The following PRRC2A variants were observed in gnomAD, a reference collection of about 807,000 sequenced individuals.
PRRC2A encodes proline rich coiled-coil 2A.
Under a neutral mutation model 224.6 loss-of-function variants are expected in PRRC2A, and 59 were observed. The observed-to-expected ratio is 0.26, with a 90% CI of 0.21 to 0.33. PRRC2A has a LOEUF of 0.33. PRRC2A is among the 10% of genes least tolerant of loss of function. PRRC2A has a pLI of 1.00. For synonymous variants in PRRC2A, 1,194 were observed against 1,109.5 expected (o/e 1.08, Z -1.51); for missense variants, 3,095 against 2,880.7 (o/e 1.07, Z -1.70).
chr6:31,621,008 G>C (rs1775207795), intron 1 of PRRC2A, 150 bp downstream of exon 1: 2 of 154,078 alleles, frequency 1.3e-5, no homozygotes, highest in South Asian at 1.7e-4. Flanking sequence ...TGCCGGGCCT[G>C]CTTGCCCCTC....
rs1777338402 is a variant in PRRC2A, at chr6:31,636,311, T to C, written c.5727T>C (p.Ala1909=). The change falls in exon 26 of 31, where the codon GCT becomes GCC. Residue 1909 remains alanine, a synonymous_variant. Coordinates refer to ENST00000376033, the MANE Select transcript of PRRC2A (RefSeq NM_004638.4). This position sits in a 1 kb window ranked among gnomAD's most constrained non-coding sequence, Gnocchi z 4.3. ...TTCTGGATTTCTCCACAATGCAAGC[T>C]ACAGAGCTGGGGAAGTTGCCGGCTG... ...GQFLDFSTMQ[A]TELGKLPAGG... 3 of 1,613,034 alleles carry C rather than the reference T, an allele frequency of 1.9e-6. No homozygotes were observed. Among genetic ancestry groups the C allele is most frequent in the East Asian group, 4.5e-5 (2 of 44,878 alleles).
In PRRC2A at chr6:31,635,481, A is replaced by G. The variant is rs913320769; in HGVS notation, c.5373+16A>G. On this transcript the variant is annotated intron_variant, in intron 23 of 30. Coordinates refer to ENST00000376033, the MANE Select transcript of PRRC2A (RefSeq NM_004638.4). ...AGTCACTGAGGTAAGTGGGAGTAAG[A>G]GTTTGGTGGAAAGGCCCAAGATTTC... The G allele has an allele frequency of 1.2e-6, 2 of 1,613,710 alleles. No homozygotes were observed. Among genetic ancestry groups the G allele is most frequent in the Middle Eastern group, 1.6e-4 (1 of 6,062 alleles).
intron 13 of PRRC2A, 74 bp downstream of exon 13, chr6:31,629,408 A>C (rs1380930053): frequency 6.6e-7 from 1 of 1,504,470 alleles, no homozygotes; most frequent in African/African-American, 1.4e-5. Flanking sequence ...TTCATAAGTT[A>C]CCTTCTGGGT....
At chr6:31,623,244 A>T (rs753336445) in intron 2 of PRRC2A, 4 of 534,634 alleles carry the variant, frequency 7.5e-6, no homozygotes, top group Admixed American at 2.5e-5. Flanking sequence ...AGCCTTCTTG[A>T]TAGGGATTTC....
At chr6:31,621,083 C>G (rs892877535) in intron 1 of PRRC2A, among the ~76,000 whole-genome samples, 9 of 152,328 alleles carry the variant, frequency 5.9e-5, no homozygotes, top group East Asian at 1.9e-4. Context: ...CGTAGTCTGC[C>G]CCTAACCACC....
chr6:31,634,650 T>C (rs952896999), intron 20 of PRRC2A, 93 bp downstream of exon 20: 6 of 1,574,238 alleles, frequency 3.8e-6, no homozygotes, highest in Admixed American at 3.3e-5. Flanking sequence ...GGAGCTGTTC[T>C]CTCACTTGGC....
In PRRC2A at chr6:31,627,092, C is replaced by A. The variant is rs761194411; in HGVS notation, c.1184C>A (p.Thr395Asn). The A allele has an allele frequency of 6.2e-7, 1 of 1,614,134 alleles. No individual in the cohort carries two copies. The highest frequency in any genetic ancestry group is 8.5e-7 in the Non-Finnish European group (1 of 1,180,002). The change falls in exon 11 of 31, where the codon ACC becomes AAC. Residue 395 changes from threonine to asparagine, a missense_variant. Physicochemically the swap from Thr to Asn is moderately conservative, Grantham distance 65 (BLOSUM62 0). This residue lies in a region of PRRC2A where 2,001 missense variants were observed against 1,764.9 expected (regional missense o/e 1.13). Coordinates refer to ENST00000376033, the MANE Select transcript of PRRC2A (RefSeq NM_004638.4). The surrounding 1 kb of genome is among the most constrained non-coding windows in gnomAD (Gnocchi z 5.6). Reference sequence around the variant, plus strand: ...ACTCCTAAGACGGCCTGGGCAGAAACCTCTCGGCCTCCAGAGACAGAGCCG... The same window carrying A: ...ACTCCTAAGACGGCCTGGGCAGAAAACTCTCGGCCTCCAGAGACAGAGCCG... ...PPTPKTAWAE[T>N]SRPPETEPGP...
rs769959342 is a variant in PRRC2A at position 31,628,227 on chromosome 6, G to A, written c.1753G>A (p.Glu585Lys). 35 of 1,610,470 alleles carry A rather than the reference G, an allele frequency of 2.2e-5. No individual in the cohort carries two copies. The highest frequency in any genetic ancestry group is 1.8e-4 in the East Asian group (8 of 44,870). Residue 585 changes from glutamate to lysine, a missense_variant, in exon 12 of 31, where the codon GAA (glutamate) becomes AAA (lysine). Around this residue, in one of 8 missense-constraint regions of PRRC2A, gnomAD observed 2,001 missense variants for 1,764.9 expected, o/e 1.13. Transcript: ENST00000376033. Reference protein sequence around the residue: ...STSSTSSGSFEASPVEPQLPS... With the variant: ...STSSTSSGSFKASPVEPQLPS... Reference sequence around the variant, plus strand: ...CAGTAGCACCAGCAGTGGCAGCTTCGAAGCCAGCCCAGGTATGGAGATGGG... The same window carrying A: ...CAGTAGCACCAGCAGTGGCAGCTTCAAAGCCAGCCCAGGTATGGAGATGGG...
intron 9 of PRRC2A, 88 bp downstream of exon 9, chr6:31,626,250 G>A: frequency 2.1e-6 from 3 of 1,460,356 alleles, no homozygotes; most frequent in Non-Finnish European, 2.8e-6. Context: ...TGGGTGAAAG[G>A]CAGACATTGA....
chr6:31,621,294 C>A (rs1775257301), intron 1 of PRRC2A, among the ~76,000 whole-genome samples: 1 of 151,870 alleles, frequency 6.6e-6, no homozygotes, highest in Admixed American at 6.6e-5. Context: ...CGCTGTGTTC[C>A]CCCCTCTGGA....
Position 31,634,324 on chromosome 6 carries a change from C to T in PRRC2A, c.4808C>T (p.Thr1603Ile), listed in dbSNP as rs1169405295. 5 of 1,612,830 alleles carry T rather than the reference C, an allele frequency of 3.1e-6. No homozygotes were observed. Among genetic ancestry groups the T allele is most frequent in the African/African-American group, 1.3e-5 (1 of 74,900 alleles). ...GPQAESRDTG[T>I]EALTPHIWNR... The stretch of plus-strand genomic sequence containing the variant: ...CAGGCAGAGTCCAGAGATACAGGCA[C>T]AGAGGCCCTGACCCCTCACATCTGG... Residue 1603 changes from threonine to isoleucine, a missense_variant, in exon 19 of 31, where the codon ACA (threonine) becomes ATA (isoleucine). Around this residue, in one of 8 missense-constraint regions of PRRC2A, gnomAD observed 2,001 missense variants for 1,764.9 expected, o/e 1.13. Coordinates refer to ENST00000376033, the MANE Select transcript of PRRC2A (RefSeq NM_004638.4).
At chr6:31,634,639 T>C in intron 20 of PRRC2A, 82 bp downstream of exon 20, 1 of 1,580,350 alleles carries the variant, frequency 6.3e-7, no homozygotes, top group Admixed American at 1.7e-5. Flanking sequence ...GGGTTGAGTC[T>C]GGAGCTGTTC....
In PRRC2A at chr6:31,635,677, G is replaced by A. The variant is rs543901385; in HGVS notation, c.5469G>A (p.Pro1823=). 1.7e-5 allele frequency: 28 copies of A among 1,612,638 alleles called. No homozygotes were observed. Among genetic ancestry groups the A allele is most frequent in the Admixed American group, 6.7e-5 (4 of 59,988 alleles). ...ACCTGGATTCTGGGCACTGTGTCCC[G>A]GAGCCCAGCTCCTCAGGCCAGCGCC... is the stretch of plus-strand genomic sequence containing the variant. ...SKNLDSGHCV[P]EPSSSGQRLY... Residue 1823 remains proline (P), a synonymous_variant, in exon 24 of 31, where the codon CCG becomes CCA. Transcript: ENST00000376033.
rs1466348319 is a variant in PRRC2A, at chr6:31,629,196, T to A, written c.1818T>A (p.Pro606=). 3 of 1,614,082 alleles carry A rather than the reference T, an allele frequency of 1.9e-6. No homozygotes were observed. The highest frequency in any genetic ancestry group is 2.5e-6 in the Non-Finnish European group (3 of 1,179,996). ...KEGPEPPEEV[P]PPTTPPVPKV... ...GTCCTGAACCACCAGAAGAGGTTCCTCCTCCTACCACACCCCCAGTTCCAA... is the reference window on the plus strand; with the variant it reads ...GTCCTGAACCACCAGAAGAGGTTCCACCTCCTACCACACCCCCAGTTCCAA... Residue 606 remains proline (P), a synonymous_variant, in exon 13 of 31, where the codon CCT becomes CCA. Coordinates refer to ENST00000376033, the MANE Select transcript of PRRC2A (RefSeq NM_004638.4).
intron 2 of PRRC2A, 92 bp downstream of exon 2, chr6:31,622,993 T>C (rs1447443635): frequency 7.3e-6 from 8 of 1,090,958 alleles, no homozygotes; most frequent in African/African-American, 1.6e-5. Flanking sequence ...GTGGCTGTAG[T>C]AGAAATACCA....
intron 3 of PRRC2A, 49 bp downstream of exon 3, chr6:31,623,958 C>T: frequency 1.3e-6 from 2 of 1,594,146 alleles, no homozygotes; most frequent in Non-Finnish European, 1.7e-6. Flanking sequence ...TTAACTTGAA[C>T]TTCAGGGAGC....
At chr6:31,637,352 C>T (rs367593801) in intron 30 of PRRC2A, 28 bp downstream of exon 30, 15 of 1,603,864 alleles carry the variant, frequency 9.4e-6, no homozygotes, top group Non-Finnish European at 1.3e-5. Flanking sequence ...GTGGCCCCAA[C>T]TCTAAATTCG....
rs138948140 is a variant in PRRC2A, at chr6:31,635,973, G to A, written c.5548G>A (p.Gly1850Arg). The A allele has an allele frequency of 1.6e-5, 25 of 1,611,008 alleles. No individual in the cohort carries two copies. The highest frequency in any genetic ancestry group is 2.1e-5 in the Non-Finnish European group (25 of 1,177,788). Residue 1850 changes from glycine (G) to arginine (R), a missense_variant, in exon 25 of 31, where the codon GGG becomes AGG. Physicochemically the swap from Gly to Arg is moderately radical, Grantham distance 125. Coordinates refer to ENST00000376033, the MANE Select transcript of PRRC2A (RefSeq NM_004638.4). ...CCGTGCTCCTCTCCTGCAGATCTCT[G>A]GGGGAGCCATGGACTCTCAATTACA... ...SAGPSSSQIS[G>R]GAMDSQLHPN...
rs1408264646 is a variant in PRRC2A at position 31,633,608 on chromosome 6, C to A, written c.4549C>A (p.Arg1517=). 42 of 1,612,628 alleles carry A rather than the reference C, an allele frequency of 2.6e-5. No homozygotes were observed. Among genetic ancestry groups the A allele is most frequent in the Non-Finnish European group, 3.5e-5 (41 of 1,179,834 alleles). Residue 1517 remains arginine (R), a synonymous_variant, in exon 17 of 31, where the codon CGA becomes AGA. Transcript: ENST00000376033. ...PQGPSPRPPT[R]YEPQRVNSGL... is the part of the protein sequence containing the mutation. Reference sequence around the variant, plus strand: ...GGGCCCCTCTCCTAGGCCCCCAACCCGATACGAGCCCCAGAGGGTCAACAG... The same window carrying A: ...GGGCCCCTCTCCTAGGCCCCCAACCAGATACGAGCCCCAGAGGGTCAACAG...
Sources: allele counts gnomAD v4.1 joint callset (sites outside exome capture counted in the v4.1 genomes callset), GRCh38; gene constraint gnomAD v4.1.1; regional missense constraint gnomAD v4.1.1; non-coding constraint Gnocchi (gnomAD v3.1); transcripts MANE v1.5; gene names NCBI Gene and HGNC (gene_info 2026-07-23, HGNC 2026-07-21).